The following KLF12 variants were observed in gnomAD, a reference collection of about 807,000 sequenced individuals.
KLF12 encodes the protein Krueppel-like factor 12.
KLF12 carries 9 observed loss-of-function variants against 37.8 expected under a neutral mutation model. That is an observed-to-expected ratio of 0.24 (90% confidence interval 0.14 to 0.42). KLF12 has a LOEUF of 0.42. Ranked by LOEUF, KLF12 falls within the 10% of genes least tolerant of loss-of-function variation. The probability of loss-of-function intolerance (pLI) is 1.00; values close to 1 mark genes in which losing one functional copy is unlikely to be tolerated. For missense variants in KLF12, 411 were observed against 516.0 expected, an observed-to-expected ratio of 0.80 and a Z score of 1.97; for synonymous variants, 208 against 202.1, an observed-to-expected ratio of 1.03 and a Z score of -0.25.
intron 7 of KLF12, among the ~76,000 whole-genome samples, chr13:73,698,353 T>A (rs1378574259): frequency 6.6e-6 from 1 of 152,052 alleles, no homozygotes; most frequent in Non-Finnish European, 1.5e-5. Flanking sequence ...TTAACAAGGA[T>A]GTGAGAGGCT....
the KLF12 span, among the ~76,000 whole-genome samples, chr13:74,157,750 T>G: frequency 6.6e-6 from 1 of 152,180 alleles, no homozygotes; most frequent in African/African-American, 2.4e-5. Context: ...GCCAATTTTT[T>G]GGGTCAGAGA....
chr13:73,940,571 C>A (rs983396914), intron 3 of KLF12, among the ~76,000 whole-genome samples: 1 of 151,918 alleles, frequency 6.6e-6, no homozygotes, highest in Non-Finnish European at 1.5e-5. Context: ...TCACAATAAC[C>A]CTATGACATA....
chr13:73,914,231 G>A (rs988658215), intron 3 of KLF12, among the ~76,000 whole-genome samples: 7 of 152,104 alleles, frequency 4.6e-5, no homozygotes, highest in Non-Finnish European at 1.0e-4. Flanking sequence ...TGGCACCCGG[G>A]TTTACCACCT....
intron 4 of KLF12, among the ~76,000 whole-genome samples, chr13:73,838,889 T>C (rs908593237): frequency 2.0e-5 from 3 of 151,996 alleles, no homozygotes; most frequent in African/African-American, 2.4e-5. Flanking sequence ...GGAAAGAAAA[T>C]TGGGCAAAGT....
chr13:74,248,063 T>A, the KLF12 span, among the ~76,000 whole-genome samples: 1 of 152,226 alleles, frequency 6.6e-6, no homozygotes, highest in Admixed American at 6.5e-5. Context: ...AGCTCCTCAA[T>A]CAACCTGCTT....
At chr13:74,287,116 C>T in the KLF12 span, among the ~76,000 whole-genome samples, 3 of 152,162 alleles carry the variant, frequency 2.0e-5, no homozygotes, top group Admixed American at 6.5e-5. Context: ...GGGCAGACCT[C>T]GGCTCACTGC....
At chr13:73,706,356 G>A (rs1484633887) in intron 7 of KLF12, among the ~76,000 whole-genome samples, 1 of 152,104 alleles carries the variant, frequency 6.6e-6, no homozygotes, top group African/African-American at 2.4e-5. Context: ...GATAGGTTTA[G>A]AAGTCTTTTC....
intron 7 of KLF12, among the ~76,000 whole-genome samples, chr13:73,705,231 A>G (rs947073366): frequency 1.3e-5 from 2 of 152,162 alleles, no homozygotes. Flanking sequence ...TTAGTTATGG[A>G]GATTTTTAAT....
At chr13:73,931,997 C>A (rs1593747005) in intron 3 of KLF12, among the ~76,000 whole-genome samples, 1 of 149,498 alleles carries the variant, frequency 6.7e-6, no homozygotes, top group Non-Finnish European at 1.5e-5. Context: ...TAATTTATTT[C>A]AAGTTAAAAA....
At chr13:73,856,276 C>G (rs1330276542) in intron 3 of KLF12, among the ~76,000 whole-genome samples, 6 of 152,134 alleles carry the variant, frequency 3.9e-5, no homozygotes, top group Non-Finnish European at 8.8e-5. Context: ...TACAGTGACA[C>G]GAAGACCCTC....
At chr13:74,215,641 C>G in the KLF12 span, among the ~76,000 whole-genome samples, 30 of 152,134 alleles carry the variant, frequency 2.0e-4, no homozygotes, top group Admixed American at 6.5e-4. Context: ...CTTTGGGAAT[C>G]TGGTCATTTT....
chr13:73,868,545 C>T (rs1886305958), intron 3 of KLF12, among the ~76,000 whole-genome samples: 1 of 151,888 alleles, frequency 6.6e-6, no homozygotes, highest in Non-Finnish European at 1.5e-5. Context: ...TGCACAACAA[C>T]ATGCCCAGCT....
intron 7 of KLF12, among the ~76,000 whole-genome samples, chr13:73,710,776 C>G (rs1349898784): frequency 7.5e-6 from 1 of 133,092 alleles, no homozygotes; most frequent in African/African-American, 3.1e-5. Context: ...GTTAGTAACC[C>G]TAAGTGTTCA....
rs575869579 is a variant in KLF12 at position 73,746,872 on chromosome 13, T to C, written c.869+18066A>G. Among the ~76,000 whole-genome samples, 308 of 138,696 alleles carry C rather than the reference T, an allele frequency of 2.2e-3. 1 individual carries two copies. Among genetic ancestry groups the C allele is most frequent in the Non-Finnish European group, 3.4e-3 (224 of 65,966 alleles). The allele number at this position is 138,696 out of a possible 152,430, so 91.0% of individuals were successfully genotyped here. On this transcript the variant is annotated intron_variant, in intron 6 of 7. Coordinates refer to ENST00000377669, the MANE Select transcript of KLF12 (RefSeq NM_007249.5). The stretch of plus-strand genomic sequence containing the variant: ...CTCTGTCGCCCAGGCTGGAGTGCAA[T>C]GGCACAATCTTGGCTCACTGCAACC...
chr13:74,106,141 C>G (rs760786077), intron 1 of KLF12, among the ~76,000 whole-genome samples: 42 of 152,106 alleles, frequency 2.8e-4, no homozygotes, highest in Non-Finnish European at 5.4e-4. Context: ...CATTTGATGC[C>G]TACTGTCTAT....
intron 1 of KLF12, among the ~76,000 whole-genome samples, chr13:74,012,139 C>A (rs1892566159): frequency 6.6e-6 from 1 of 152,190 alleles, no homozygotes; most frequent in African/African-American, 2.4e-5. Flanking sequence ...TTAGCACAAT[C>A]TTCAGCCCCT....
chr13:74,162,608 C>G, the KLF12 span, among the ~76,000 whole-genome samples: 1 of 152,152 alleles, frequency 6.6e-6, no homozygotes, highest in East Asian at 1.9e-4. Flanking sequence ...TTGTATTTCT[C>G]TCCTTCGTTG....
intron 3 of KLF12, among the ~76,000 whole-genome samples, chr13:73,853,574 T>TA (rs1566417948): frequency 6.6e-6 from 1 of 151,914 alleles, no homozygotes; most frequent in South Asian, 2.1e-4. Context: ...CTGTCTCTAC[T>TA]AAAAAAATAC....
chr13:74,121,297 C>G (rs1877620498), intron 1 of KLF12, among the ~76,000 whole-genome samples: 1 of 152,160 alleles, frequency 6.6e-6, no homozygotes, highest in South Asian at 2.1e-4. Flanking sequence ...TTCTCCCATA[C>G]TTTTATGGAA....
Sources: gnomAD v4.1 joint callset for allele counts (sites outside exome capture counted in the v4.1 genomes callset) on GRCh38, gnomAD v4.1.1 for gene constraint, MANE v1.5 for transcripts, NCBI Gene and HGNC (gene_info 2026-07-23, HGNC 2026-07-21) for gene names.